CLEC16A: variants seen among roughly 807,000 people sequenced by gnomAD.
CLEC16A encodes C-type lectin domain containing 16A.
In CLEC16A, 51 loss-of-function variants were observed where a neutral mutation model predicts 109.5. The ratio of observed to expected loss-of-function variants is 0.47; its 90% confidence interval spans 0.37 to 0.59. The LOEUF (loss-of-function observed/expected upper bound fraction) is 0.59. CLEC16A is among the 20% of genes least tolerant of loss of function. The pLI is 0.00. For missense variants in CLEC16A, 1,339 were observed against 1,394.0 expected, an observed-to-expected ratio of 0.96 and a Z score of 0.63; for synonymous variants, 673 against 564.2, an observed-to-expected ratio of 1.19 and a Z score of -2.73.
At chr16:11,043,493 T>A (rs1306926723) in intron 15 of CLEC16A, among the ~76,000 whole-genome samples, 4 of 152,224 alleles carry the variant, frequency 2.6e-5, no homozygotes, top group Non-Finnish European at 5.9e-5. Flanking sequence ...CAGCTTCTCA[T>A]GCCATTACAA....
At chr16:11,110,119 C>G (rs1490041229) in intron 19 of CLEC16A, among the ~76,000 whole-genome samples, 1 of 152,166 alleles carries the variant, frequency 6.6e-6, no homozygotes, top group East Asian at 1.9e-4. Context: ...AGGCTTCAGC[C>G]CAGGAGCTAA....
At chr16:11,016,758 A>G (rs950552806) in intron 11 of CLEC16A, among the ~76,000 whole-genome samples, 7 of 152,276 alleles carry the variant, frequency 4.6e-5, no homozygotes, top group South Asian at 4.1e-4. Context: ...ACTAATATCC[A>G]CAGAAGGCTT....
At chr16:11,135,506 G>A (rs1468436732) in intron 22 of CLEC16A, among the ~76,000 whole-genome samples, 1 of 152,238 alleles carries the variant, frequency 6.6e-6, no homozygotes, top group Non-Finnish European at 1.5e-5. Flanking sequence ...TTTCTGGGAG[G>A]TGGAGGGAGG....
At chr16:11,089,897 T>C (rs1393651721) in intron 19 of CLEC16A, among the ~76,000 whole-genome samples, 2 of 152,180 alleles carry the variant, frequency 1.3e-5, no homozygotes, top group African/African-American at 2.4e-5. Flanking sequence ...CTGCCTTTGC[T>C]CATCAATGAG....
chr16:11,037,597 C>A (rs1597149680), intron 13 of CLEC16A, among the ~76,000 whole-genome samples: 1 of 152,192 alleles, frequency 6.6e-6, no homozygotes, highest in East Asian at 1.9e-4. Flanking sequence ...AAATGGACCT[C>A]TCTCTGGAAA....
intron 22 of CLEC16A, among the ~76,000 whole-genome samples, chr16:11,133,455 A>T (rs1021244175): frequency 2.6e-5 from 4 of 152,104 alleles, no homozygotes; most frequent in African/African-American, 9.7e-5. Flanking sequence ...CACGTGACCC[A>T]GAGCACTTAA....
chr16:11,036,700 C>A (rs1352126845), intron 13 of CLEC16A, among the ~76,000 whole-genome samples: 2 of 152,012 alleles, frequency 1.3e-5, no homozygotes, highest in Admixed American at 1.3e-4. Flanking sequence ...CAGGCATGTG[C>A]ACTACACCCA....
rs2043409327 is a variant in CLEC16A at position 10,982,932 on chromosome 16, C to T, written c.1012C>T (p.Leu338=). 6.2e-7 allele frequency: 1 copy of T among 1,613,240 alleles called. No individual in the cohort carries two copies. Among genetic ancestry groups the T allele is most frequent in the Admixed American group, 1.7e-5 (1 of 60,022 alleles). The change falls in exon 10 of 24, where the codon CTG becomes TTG. Residue 338 remains leucine (L), a synonymous_variant. Transcript: ENST00000409790. ...PLVNSLAEVI[L]NGDLSEMYAK... is the part of the protein sequence containing the mutation. ...GGTGAACTCGTTAGCTGAAGTCATT[C>T]TGAATGGTGATCTGTCTGAGATGTA...
chr16:11,019,493 A>G (rs965882809), intron 11 of CLEC16A, among the ~76,000 whole-genome samples: 1 of 152,228 alleles, frequency 6.6e-6, no homozygotes, highest in Admixed American at 6.5e-5. Context: ...TTTAGGCCAG[A>G]CATGGTGGCT....
chr16:11,134,019 A>G (rs1055130548), intron 22 of CLEC16A, among the ~76,000 whole-genome samples: 3 of 152,132 alleles, frequency 2.0e-5, no homozygotes, highest in African/African-American at 4.8e-5. Context: ...GAGCTTCCCA[A>G]TAGCCCTCAG....
intron 11 of CLEC16A, among the ~76,000 whole-genome samples, chr16:11,005,356 G>A (rs1373259887): frequency 4.6e-5 from 7 of 152,142 alleles, no homozygotes; most frequent in African/African-American, 9.7e-5. Context: ...TTTCTGCCAC[G>A]TCCAAAAGCC....
In CLEC16A at chr16:11,174,142, T is replaced by G. The variant is rs763772670; in HGVS notation, c.2807-4193T>G. 1 of 469,344 alleles carries G rather than the reference T, an allele frequency of 2.1e-6. No individual in the cohort carries two copies. Among genetic ancestry groups the G allele is most frequent in the South Asian group, 1.6e-5 (1 of 64,474 alleles). 29.1% of individuals were successfully genotyped at this position (469,344 alleles called of 1,614,324 possible). ...AGGCTTTCTATGATCTGTCGCTGTG[T>G]TTTCCCTCTAGTCAGGAGTGGCAGG... On this transcript the variant is annotated intron_variant, in intron 23 of 23. Coordinates refer to ENST00000409790, the MANE Select transcript of CLEC16A (RefSeq NM_015226.3). The surrounding 1 kb of genome is among the most constrained non-coding windows in gnomAD (Gnocchi z 4.7).
At chr16:10,989,078 G>C (rs899750295) in intron 10 of CLEC16A, among the ~76,000 whole-genome samples, 2 of 152,210 alleles carry the variant, frequency 1.3e-5, no homozygotes, top group African/African-American at 4.8e-5. Context: ...TAACAGTGAT[G>C]ATGAAACACC....
chr16:11,109,108 C>CAA (rs33997945), intron 19 of CLEC16A, among the ~76,000 whole-genome samples: 93 of 58,078 alleles, frequency 1.6e-3, no homozygotes, highest in East Asian at 3.0e-3. Context: ...GAGACTGTCT[C>CAA]AAAAAAAAAA....
At chr16:11,016,146 A>C (rs1432242490) in intron 11 of CLEC16A, among the ~76,000 whole-genome samples, 2 of 147,286 alleles carry the variant, frequency 1.4e-5, no homozygotes, top group East Asian at 2.0e-4. Context: ...ATTTTAAAAG[A>C]TGAGAAGCGT....
At chr16:11,005,074 C>T (rs565262776) in intron 11 of CLEC16A, among the ~76,000 whole-genome samples, 5 of 152,290 alleles carry the variant, frequency 3.3e-5, no homozygotes, top group African/African-American at 7.2e-5. Flanking sequence ...GTGTTCTCAT[C>T]GATTTTGTTT....
chr16:11,075,378 CTGTGTGTGTGTGTG>C (rs373865850), intron 19 of CLEC16A, among the ~76,000 whole-genome samples: 7 of 134,612 alleles, frequency 5.2e-5, no homozygotes, highest in African/African-American at 1.4e-4. Context: ...TTGGATATGT[CTGTGTGTGTGTGTG>C]TGTGTGTGTG....
intron 22 of CLEC16A, among the ~76,000 whole-genome samples, chr16:11,138,739 G>A (rs555369130): frequency 6.6e-6 from 1 of 152,302 alleles, no homozygotes; most frequent in East Asian, 1.9e-4. Context: ...GCGTATCCTG[G>A]AGTGTTTTTC....
At chr16:10,951,008 G>T (rs891741826) in intron 1 of CLEC16A, among the ~76,000 whole-genome samples, 6 of 152,214 alleles carry the variant, frequency 3.9e-5, no homozygotes, top group African/African-American at 1.4e-4. Flanking sequence ...TCCTGTCTCT[G>T]AAATGGACTG....
Sources: allele counts gnomAD v4.1 joint callset (sites outside exome capture counted in the v4.1 genomes callset), GRCh38; gene constraint gnomAD v4.1.1; non-coding constraint Gnocchi (gnomAD v3.1); transcripts MANE v1.5; gene names NCBI Gene and HGNC (gene_info 2026-07-23, HGNC 2026-07-21).